Variants in NDUFV3 observed in about 807,000 individuals in gnomAD.
NDUFV3 encodes the protein NADH dehydrogenase [ubiquinone] flavoprotein 3, mitochondrial.
A neutral mutation model predicts 37.5 loss-of-function variants in NDUFV3; 44 were observed. That is an observed-to-expected ratio of 1.17 (90% CI 0.92 to 1.51). The LOEUF (loss-of-function observed/expected upper bound fraction) is 1.51. NDUFV3 is among the 40% of genes most tolerant of loss of function. NDUFV3 has a pLI of 0.00. For missense variants in NDUFV3, 580 were observed against 580.4 expected, an observed-to-expected ratio of 1.00 and a Z score of 0.01; for synonymous variants, 235 against 239.3, an observed-to-expected ratio of 0.98 and a Z score of 0.17.
chr21:42,895,390 G>A (rs2058686086), intron 1 of NDUFV3, among the ~76,000 whole-genome samples: 1 of 152,184 alleles, frequency 6.6e-6, no homozygotes, highest in Non-Finnish European at 1.5e-5. Flanking sequence ...GCTGAGACAG[G>A]AGAATTGCTT....
intron 1 of NDUFV3, among the ~76,000 whole-genome samples, chr21:42,894,892 G>T (rs1337860339): frequency 6.6e-6 from 1 of 151,970 alleles, no homozygotes; most frequent in Non-Finnish European, 1.5e-5. Flanking sequence ...ACATTGTACT[G>T]TCTAGCACTT....
At chr21:42,897,706 C>T (rs867876744) in intron 2 of NDUFV3, among the ~76,000 whole-genome samples, 31 of 147,296 alleles carry the variant, frequency 2.1e-4, no homozygotes, top group Admixed American at 1.7e-3. Flanking sequence ...AGATGGAGTC[C>T]TGCTCTGTTG....
intron 1 of NDUFV3, among the ~76,000 whole-genome samples, chr21:42,894,502 AATATATAT>A (rs2058681305): frequency 2.4e-5 from 2 of 84,518 alleles, no homozygotes; most frequent in African/African-American, 1.1e-4. Flanking sequence ...TATAATATAT[AATATATAT>A]TTATATATTA....
chr21:42,898,109 G>A (rs1476454024), intron 2 of NDUFV3, among the ~76,000 whole-genome samples: 2 of 152,186 alleles, frequency 1.3e-5, no homozygotes, highest in African/African-American at 4.8e-5. Context: ...CTTGGTCTGT[G>A]CACAGAACAC....
At chr21:42,895,518 G>C (rs147947226) in intron 1 of NDUFV3, among the ~76,000 whole-genome samples, 1 of 152,042 alleles carries the variant, frequency 6.6e-6, no homozygotes, top group East Asian at 1.9e-4. Flanking sequence ...CAGGTGCGGT[G>C]GTGCACACCT....
intron 2 of NDUFV3, among the ~76,000 whole-genome samples, chr21:42,899,465 C>T (rs2058709553): frequency 2.1e-5 from 3 of 144,020 alleles, no homozygotes; most frequent in Admixed American, 2.1e-4. Context: ...TTTGTTTTTG[C>T]GATAAAGTCT....
rs528276891 is a variant in NDUFV3, at chr21:42,909,030, G to A, written c.*9G>A. On this transcript the variant is annotated 3_prime_UTR_variant, in exon 4 of 4. Coordinates refer to ENST00000354250, the MANE Select transcript of NDUFV3 (RefSeq NM_021075.4). ...AGTCACCTCGACACTGAGGGCCCTC[G>A]GTGTGAAGATGAACCTTCCACCGTC... The A allele has an allele frequency of 7.8e-5, 125 of 1,612,886 alleles. 1 individual carries two copies. In the South Asian group the frequency reaches 8.1e-4, roughly 10 times the overall value.
At chr21:42,903,094 A>G (rs1432355744) in intron 2 of NDUFV3, 88 bp from the exon 3 acceptor site, 1 of 1,528,324 alleles carries the variant, frequency 6.5e-7, no homozygotes, top group Non-Finnish European at 9.0e-7. Context: ...ACTGTCAGTA[A>G]TAAGTAATGT....
intron 2 of NDUFV3, among the ~76,000 whole-genome samples, chr21:42,899,277 G>GTTTTTTGTTTTTTTT (rs2058708058): frequency 7.1e-6 from 1 of 141,132 alleles, no homozygotes; most frequent in African/African-American, 2.7e-5. Flanking sequence ...GTTGTATCTT[G>GTTTTTTGTTTTTTTT]TTTTTTTTTG....
chr21:42,896,297 C>T (rs2058690862), intron 1 of NDUFV3, among the ~76,000 whole-genome samples: 1 of 151,736 alleles, frequency 6.6e-6, no homozygotes, highest in Non-Finnish European at 1.5e-5. Flanking sequence ...GCTGGGACTA[C>T]AGGCACCCGC....
rs1368868877 is a variant in NDUFV3 at position 42,895,106 on chromosome 21, C to T, written c.48+1725C>T. Among the ~76,000 whole-genome samples, 3 of 152,102 alleles carry T rather than the reference C, an allele frequency of 2.0e-5. No homozygotes were observed. In the East Asian group the frequency reaches 5.8e-4, roughly 29 times the overall value. On this transcript the variant is annotated intron_variant, in intron 1 of 3. Transcript: ENST00000354250. ...TGGCAGGTGGCTCATGCCTGTAATC[C>T]CAGTACTTTGGGAGGCCAAGACAGG...
intron 2 of NDUFV3, among the ~76,000 whole-genome samples, chr21:42,897,908 C>T (rs1343881813): frequency 6.6e-6 from 1 of 152,080 alleles, no homozygotes; most frequent in Non-Finnish European, 1.5e-5. Flanking sequence ...GATCTCCTGA[C>T]CTTGTGATCC....
At chr21:42,894,518 T>TAATATATATCATAATATAATATATAA (rs1491459389) in intron 1 of NDUFV3, among the ~76,000 whole-genome samples, 5 of 96,556 alleles carry the variant, frequency 5.2e-5, no homozygotes, top group African/African-American at 2.2e-4. Flanking sequence ...TATTTATATA[T>TAATATATATCATAATATAATATATAA]TATATATAAT....
intron 2 of NDUFV3, among the ~76,000 whole-genome samples, chr21:42,899,458 G>GT (rs35438595): frequency 0.54 from 81,505 of 151,048 alleles, 23,098 homozygotes; most frequent in African/African-American, 0.69. Flanking sequence ...TTTTTGTTTT[G>GT]TTTTTGCGAT....
rs765353198 is a variant in NDUFV3, at chr21:42,904,196, C to T, written c.1184C>T (p.Thr395Ile). The change falls in exon 3 of 4, where the codon ACA (threonine) becomes ATA (isoleucine). Residue 395 changes from threonine (T) to isoleucine (I), a missense_variant. Coordinates refer to ENST00000354250, the MANE Select transcript of NDUFV3 (RefSeq NM_021075.4). ...AATAACCACGGTTTCCATGAAAAGA[C>T]AGCAGCGCTGAAGCTTGAGGCCGAG... ...VENNHGFHEK[T>I]AALKLEAEGE... 2.5e-6 allele frequency: 4 copies of T among 1,614,058 alleles called. No individual in the cohort carries two copies. Among genetic ancestry groups the T allele is most frequent in the African/African-American group, 2.7e-5 (2 of 74,950 alleles).
intron 3 of NDUFV3, among the ~76,000 whole-genome samples, chr21:42,905,958 C>T (rs574579323): frequency 3.3e-5 from 5 of 151,432 alleles, no homozygotes; most frequent in South Asian, 4.2e-4. Context: ...CCACCTCCCA[C>T]GTACAAACGA....
chr21:42,908,754 A>T, intron 3 of NDUFV3, 110 bp from the exon 4 acceptor site: 3 of 1,301,638 alleles, frequency 2.3e-6, no homozygotes, highest in Non-Finnish European at 2.2e-6. Flanking sequence ...AGCTGTTCAC[A>T]GATAGGGATG....
In NDUFV3 at chr21:42,898,898, G is replaced by T. The variant is rs188644404; in HGVS notation, c.169+1851G>T. Among the ~76,000 whole-genome samples, 5 of 152,352 alleles carry T rather than the reference G, an allele frequency of 3.3e-5. 1 individual carries two copies. In the South Asian group the frequency reaches 6.2e-4, roughly 19 times the overall value. ...CTGCAATCCTACATCATAGACTTAT[G>T]AATTTGGATTAAATGGATTTTAAAA... On this transcript the variant is annotated intron_variant, in intron 2 of 3. Coordinates refer to ENST00000354250, the MANE Select transcript of NDUFV3 (RefSeq NM_021075.4).
At chr21:42,893,483 C>T in intron 1 of NDUFV3, 102 bp downstream of exon 1, 2 of 1,354,024 alleles carry the variant, frequency 1.5e-6, no homozygotes, top group Non-Finnish European at 2.0e-6. Flanking sequence ...TGTCCGCGAC[C>T]TCTAGCCGTC....
Sources: allele counts gnomAD v4.1 joint callset (sites outside exome capture counted in the v4.1 genomes callset), GRCh38; gene constraint gnomAD v4.1.1; transcripts MANE v1.5; gene names NCBI Gene and HGNC (gene_info 2026-07-23, HGNC 2026-07-21).